Variants in EDIL3 observed in about 807,000 individuals in gnomAD.
The protein encoded by EDIL3 is EGF-like repeat and discoidin I-like domain-containing protein 3.
A neutral mutation model predicts 67.4 loss-of-function variants in EDIL3; 37 were observed. The observed-to-expected ratio is 0.55, with a 90% CI of 0.42 to 0.72. The LOEUF (loss-of-function observed/expected upper bound fraction) is 0.72. Among genes scored for constraint, EDIL3 ranks in the 30% least tolerant of loss-of-function variants. EDIL3 has a pLI of 0.00. For missense variants in EDIL3, 527 were observed against 586.3 expected, an observed-to-expected ratio of 0.90 and a Z score of 1.04; for synonymous variants, 195 against 196.3, an observed-to-expected ratio of 0.99 and a Z score of 0.05.
chr5:84,282,456 T>G (rs1745724014), intron 1 of EDIL3, among the ~76,000 whole-genome samples: 1 of 152,212 alleles, frequency 6.6e-6, no homozygotes, highest in South Asian at 2.1e-4. Flanking sequence ...TTCATACACT[T>G]TAGTTGCTTT....
intron 6 of EDIL3, among the ~76,000 whole-genome samples, chr5:84,085,403 C>CT (rs1313999285): frequency 6.6e-6 from 1 of 151,956 alleles, no homozygotes. Flanking sequence ...TTGTTGTTTT[C>CT]TGTTTGTTAG....
chr5:84,160,707 G>T (rs1203155928), intron 4 of EDIL3, among the ~76,000 whole-genome samples: 1 of 150,822 alleles, frequency 6.6e-6, no homozygotes, highest in African/African-American at 2.4e-5. Context: ...GTCCTGAGAG[G>T]TGTCATTTTC....
intron 1 of EDIL3, among the ~76,000 whole-genome samples, chr5:84,342,713 ACTTTT>A: frequency 6.6e-6 from 1 of 152,018 alleles, no homozygotes; most frequent in East Asian, 1.9e-4. Context: ...TGAATTGATT[ACTTTT>A]CTTTGAAAAA....
At chr5:84,176,212 T>TATATATATATATATAAA (rs1561453823) in intron 4 of EDIL3, among the ~76,000 whole-genome samples, 59 of 121,454 alleles carry the variant, frequency 4.9e-4, no homozygotes, top group African/African-American at 1.5e-3. Context: ...TATATATATA[T>TATATATATATATATAAA]ATATATATAT....
intron 1 of EDIL3, among the ~76,000 whole-genome samples, chr5:84,348,527 T>G (rs1561264781): frequency 6.6e-6 from 1 of 152,156 alleles, no homozygotes; most frequent in African/African-American, 2.4e-5. Flanking sequence ...GAGTCTCACT[T>G]TGGTTTTATG....
Position 84,217,922 on chromosome 5 carries a change from C to T in EDIL3, c.226+11933G>A, listed in dbSNP as rs192850520. Among the ~76,000 whole-genome samples, 4 of 151,920 alleles carry T rather than the reference C, an allele frequency of 2.6e-5. No homozygotes were observed. In the East Asian group the frequency reaches 7.7e-4, roughly 29 times the overall value. On this transcript the variant is annotated intron_variant, in intron 3 of 10. Transcript: ENST00000296591. Reference sequence around the variant, plus strand: ...GATGCTTTTCCAGTGCTTGGTGTTACTTTGGGTTTAATTTCTGGCTTGTCT... The same window carrying T: ...GATGCTTTTCCAGTGCTTGGTGTTATTTTGGGTTTAATTTCTGGCTTGTCT...
At chr5:84,013,347 A>C (rs1392748579) in intron 9 of EDIL3, among the ~76,000 whole-genome samples, 2 of 152,148 alleles carry the variant, frequency 1.3e-5, no homozygotes, top group African/African-American at 4.8e-5. Context: ...TGGTCTATGT[A>C]ATAAATGTCA....
At chr5:84,050,775 C>T (rs1746320838) in intron 9 of EDIL3, among the ~76,000 whole-genome samples, 1 of 152,282 alleles carries the variant, frequency 6.6e-6, no homozygotes, top group Non-Finnish European at 1.5e-5. Flanking sequence ...GAGGGGTGTT[C>T]CCCATTGCTG....
intron 3 of EDIL3, among the ~76,000 whole-genome samples, chr5:84,222,647 A>G (rs1355253232): frequency 6.6e-6 from 1 of 151,874 alleles, no homozygotes; most frequent in Non-Finnish European, 1.5e-5. Flanking sequence ...ATGTTTTAAT[A>G]TGATTGTCAA....
At chr5:84,057,707 T>C (rs1249221660) in intron 9 of EDIL3, among the ~76,000 whole-genome samples, 1 of 152,142 alleles carries the variant, frequency 6.6e-6, no homozygotes, top group Non-Finnish European at 1.5e-5. Context: ...TATGTACCAG[T>C]TGGCCTCTTA....
At chr5:83,984,307 C>G (rs1745023230) in intron 9 of EDIL3, among the ~76,000 whole-genome samples, 2 of 151,976 alleles carry the variant, frequency 1.3e-5, no homozygotes, top group African/African-American at 4.8e-5. Context: ...CTGGAAATAT[C>G]TGGCAAAAAA....
chr5:83,982,882 C>A (rs1744994866), intron 9 of EDIL3, among the ~76,000 whole-genome samples: 1 of 152,068 alleles, frequency 6.6e-6, no homozygotes, highest in Admixed American at 6.6e-5. Flanking sequence ...CTGAATTGTT[C>A]AGGTTGGACC....
At chr5:84,152,205 AC>A (rs1213107188) in intron 4 of EDIL3, among the ~76,000 whole-genome samples, 2 of 152,202 alleles carry the variant, frequency 1.3e-5, no homozygotes, top group Non-Finnish European at 2.9e-5. Flanking sequence ...GGCGTGAGCC[AC>A]TGCTCCCAGC....
At chr5:84,363,797 G>C (rs1747669508) in intron 1 of EDIL3, among the ~76,000 whole-genome samples, 1 of 152,020 alleles carries the variant, frequency 6.6e-6, no homozygotes, top group Non-Finnish European at 1.5e-5. Context: ...AATTTTCTAA[G>C]CCAACAACTT....
chr5:84,225,364 G>A (rs1008851592), intron 3 of EDIL3, among the ~76,000 whole-genome samples: 1 of 151,650 alleles, frequency 6.6e-6, no homozygotes, highest in African/African-American at 2.4e-5. Context: ...TACGTATGAA[G>A]AAATAACCAA....
intron 10 of EDIL3, among the ~76,000 whole-genome samples, chr5:83,946,683 T>C (rs1387555116): frequency 1.3e-5 from 2 of 151,894 alleles, no homozygotes; most frequent in Non-Finnish European, 2.9e-5. Flanking sequence ...TTCAGGCCGG[T>C]ATAGACATCA....
At chr5:84,315,400 G>A (rs946493182) in intron 1 of EDIL3, among the ~76,000 whole-genome samples, 1 of 152,108 alleles carries the variant, frequency 6.6e-6, no homozygotes, top group African/African-American at 2.4e-5. Context: ...ACCAATTAGA[G>A]GTAGAGGAGA....
chr5:84,098,262 T>C (rs1312667975), intron 6 of EDIL3, among the ~76,000 whole-genome samples: 1 of 152,094 alleles, frequency 6.6e-6, no homozygotes, highest in Non-Finnish European at 1.5e-5. Context: ...TGAAATTGAA[T>C]ACTAATTAGT....
At chr5:84,273,933 C>G (rs1389145408) in intron 1 of EDIL3, among the ~76,000 whole-genome samples, 1 of 152,094 alleles carries the variant, frequency 6.6e-6, no homozygotes, top group African/African-American at 2.4e-5. Flanking sequence ...ATATTCTTCC[C>G]AGTGTGTACA....
Sources: gnomAD v4.1 joint callset for allele counts (sites outside exome capture counted in the v4.1 genomes callset) on GRCh38, gnomAD v4.1.1 for gene constraint, MANE v1.5 for transcripts, NCBI Gene and HGNC (gene_info 2026-07-23, HGNC 2026-07-21) for gene names.